The following CFTR variants were observed in gnomAD, a reference collection of about 807,000 sequenced individuals.
CFTR encodes cystic fibrosis transmembrane conductance regulator.
CFTR carries 181 observed loss-of-function variants against 171.6 expected under a neutral mutation model. That is an observed-to-expected ratio of 1.05 (90% confidence interval 0.93 to 1.19). The LOEUF is 1.19. CFTR is among the 50% of genes most tolerant of loss of function. The probability of loss-of-function intolerance (pLI) is 0.00; values close to 1 mark genes in which losing one functional copy is unlikely to be tolerated. For missense variants in CFTR, 1,968 were observed against 1,734.7 expected, an observed-to-expected ratio of 1.13 and a Z score of -2.39; for synonymous variants, 583 against 608.0, an observed-to-expected ratio of 0.96 and a Z score of 0.60.
chr7:117,599,278 C>G (rs1792186104), intron 15 of CFTR, among the ~76,000 whole-genome samples: 1 of 152,092 alleles, frequency 6.6e-6, no homozygotes, highest in South Asian at 2.1e-4. Flanking sequence ...TTGTCTTCAA[C>G]TTATCTGAAT....
chr7:117,502,132 T>C (rs1798342767), intron 1 of CFTR, among the ~76,000 whole-genome samples: 3 of 152,260 alleles, frequency 2.0e-5, no homozygotes, highest in Admixed American at 6.5e-5. Flanking sequence ...ACATGCAGTC[T>C]GCTATCTTTT....
chr7:117,567,271 T>C (rs557009987), intron 11 of CFTR, among the ~76,000 whole-genome samples: 2 of 152,354 alleles, frequency 1.3e-5, no homozygotes, highest in South Asian at 4.1e-4. Context: ...TATTTTTTAA[T>C]GGTACCTTAG....
At chr7:117,502,728 T>A (rs1315571541) in intron 1 of CFTR, among the ~76,000 whole-genome samples, 1 of 152,178 alleles carries the variant, frequency 6.6e-6, no homozygotes, top group East Asian at 1.9e-4. Flanking sequence ...TTTATTGCTC[T>A]CCAGGAAAAA....
rs540046342 is a variant in CFTR, at chr7:117,539,005, A to C, written c.870-1095A>C. Among the ~76,000 whole-genome samples the C allele has an allele frequency of 6.9e-4, 105 of 152,338 alleles. 2 individuals are homozygous for C. The South Asian group carries it at 0.021, about 30-fold the overall frequency. On this transcript the variant is annotated intron_variant, in intron 7 of 26. Coordinates refer to ENST00000003084, the MANE Select transcript of CFTR (RefSeq NM_000492.4). ...AGAATGAGAATAGCTTTTCTGAATT[A>C]TACAAGGAAGAAGAACTAATGCCCA... is the stretch of plus-strand genomic sequence containing the variant.
chr7:117,547,003 C>T lies in CFTR; in HGVS notation c.1210-1638C>T, dbSNP rs112896384. Among the ~76,000 whole-genome samples, 658 of 152,230 alleles carry T rather than the reference C, an allele frequency of 4.3e-3. 3 individuals are homozygous for T. Among genetic ancestry groups the T allele is most frequent in the Non-Finnish European group, 7.3e-3 (496 of 68,018 alleles). On this transcript the variant is annotated intron_variant, in intron 9 of 26. Transcript: ENST00000003084. ...CACCAAGCTCATTGCAATATTAATTCGTTTGTCATTCTCCCATGTAGGATG... is the reference window on the plus strand; with the variant it reads ...CACCAAGCTCATTGCAATATTAATTTGTTTGTCATTCTCCCATGTAGGATG...
intron 3 of CFTR, among the ~76,000 whole-genome samples, chr7:117,526,170 C>T (rs992297048): frequency 7.2e-5 from 11 of 152,006 alleles, no homozygotes; most frequent in Non-Finnish European, 1.6e-4. Context: ...ATCTCTCAGA[C>T]CACAGTGCAA....
chr7:117,601,666 GT>G (rs57115663), intron 15 of CFTR, among the ~76,000 whole-genome samples: 1 of 151,842 alleles, frequency 6.6e-6, no homozygotes, highest in Non-Finnish European at 1.5e-5. Flanking sequence ...ACAACTGTTT[GT>G]TTTTTCTGTT....
chr7:117,611,859 A>G (rs1392275979), intron 20 of CFTR, 51 bp downstream of exon 20: 2 of 1,246,104 alleles, frequency 1.6e-6, no homozygotes, highest in Admixed American at 1.8e-5. Context: ...AAAATTTTCA[A>G]TGAATAAAAT....
intron 21 of CFTR, among the ~76,000 whole-genome samples, chr7:117,616,995 A>C (rs535981447): frequency 6.6e-6 from 1 of 152,282 alleles, no homozygotes; most frequent in East Asian, 1.9e-4. Context: ...AGATAGGACT[A>C]TGCCCTCAAA....
intron 1 of CFTR, among the ~76,000 whole-genome samples, chr7:117,482,703 T>C (rs1248689011): frequency 1.3e-5 from 2 of 152,220 alleles, no homozygotes; most frequent in African/African-American, 4.8e-5. Flanking sequence ...ATTGTGCTAT[T>C]TAATTTGGGA....
chr7:117,606,261 A>C (rs2299445), intron 17 of CFTR, among the ~76,000 whole-genome samples: 22,959 of 152,074 alleles, frequency 0.15, 2,170 homozygotes, highest in East Asian at 0.31. Flanking sequence ...TGGAAGTCAG[A>C]GGAGAAGGAG....
chr7:117,583,937 A>AT, intron 11 of CFTR, among the ~76,000 whole-genome samples: 2 of 151,508 alleles, frequency 1.3e-5, no homozygotes, highest in East Asian at 3.9e-4. Context: ...GATGTTGAGC[A>AT]TTTTTTCCTG....
chr7:117,649,157 C>G (rs918617189), intron 23 of CFTR, among the ~76,000 whole-genome samples: 1 of 150,368 alleles, frequency 6.7e-6, no homozygotes, highest in Non-Finnish European at 1.5e-5. Flanking sequence ...AGTAAAAGAC[C>G]CACCATTTCC....
intron 10 of CFTR, among the ~76,000 whole-genome samples, chr7:117,555,878 T>C (rs551421552): frequency 6.6e-6 from 1 of 152,210 alleles, no homozygotes; most frequent in Non-Finnish European, 1.5e-5. Flanking sequence ...CACTCAACAA[T>C]AGGCTATTAG....
chr7:117,600,868 A>G (rs549314906), intron 15 of CFTR, among the ~76,000 whole-genome samples: 2 of 152,180 alleles, frequency 1.3e-5, no homozygotes, highest in South Asian at 2.1e-4. Context: ...TGCTTACTCA[A>G]TTGCTTCTAT....
At chr7:117,495,503 ATGGTACACATTCCT>A (rs1200199487) in intron 1 of CFTR, among the ~76,000 whole-genome samples, 7 of 152,174 alleles carry the variant, frequency 4.6e-5, no homozygotes, top group Admixed American at 3.3e-4. Flanking sequence ...TTCAATGCCA[ATGGTACACATTCCT>A]TGGTTTCTTT....
rs397508439 is a variant in CFTR, at chr7:117,603,689, C to G, written c.2815C>G (p.His939Asp). Reference protein sequence around the residue: ...MGFFRGLPLVHTLITVSKILH... With the variant: ...MGFFRGLPLVDTLITVSKILH... Reference sequence around the variant, plus strand: ...ATTCTTCAGAGGTCTACCACTGGTGCATACTCTAATCACAGTGTCGAAAAT... The same window carrying G: ...ATTCTTCAGAGGTCTACCACTGGTGGATACTCTAATCACAGTGTCGAAAAT... Residue 939 changes from histidine to aspartate, a missense_variant, in exon 17 of 27, where the codon CAT becomes GAT. By Grantham distance (81) the His-to-Asp change is moderately conservative. Coordinates refer to ENST00000003084, the MANE Select transcript of CFTR (RefSeq NM_000492.4). 1.9e-6 allele frequency: 3 copies of G among 1,613,936 alleles called. No individual in the cohort carries two copies. The highest frequency in any genetic ancestry group is 2.5e-6 in the Non-Finnish European group (3 of 1,179,962).
intron 13 of CFTR, among the ~76,000 whole-genome samples, chr7:117,591,644 C>T (rs184957926): frequency 9.2e-5 from 14 of 152,018 alleles, no homozygotes; most frequent in Middle Eastern, 3.4e-3. Context: ...TGAGAGACCC[C>T]GAGGATAAAT....
intron 10 of CFTR, among the ~76,000 whole-genome samples, chr7:117,551,243 A>G (rs938185806): frequency 2.0e-5 from 3 of 152,234 alleles, no homozygotes; most frequent in Non-Finnish European, 4.4e-5. Context: ...TATTCAGCCA[A>G]TAAAAGGTTT....
Sources: gnomAD v4.1 joint callset for allele counts (sites outside exome capture counted in the v4.1 genomes callset) on GRCh38, gnomAD v4.1.1 for gene constraint, MANE v1.5 for transcripts, NCBI Gene and HGNC (gene_info 2026-07-23, HGNC 2026-07-21) for gene names.